SETDB2: variants seen among roughly 807,000 people sequenced by gnomAD.
The protein encoded by SETDB2 is SET domain bifurcated histone lysine methyltransferase 2, also known as histone-lysine N-methyltransferase SETDB2.
SETDB2 carries 56 observed loss-of-function variants against 82.5 expected under a neutral mutation model. The observed-to-expected ratio is 0.68, with a 90% confidence interval of 0.55 to 0.85. The LOEUF is 0.85. SETDB2 is among the 40% of genes least tolerant of loss of function. The pLI is 0.00. For synonymous variants in SETDB2, 272 were observed against 284.9 expected, an observed-to-expected ratio of 0.95 and a Z score of 0.46; for missense variants, 677 against 816.4, an observed-to-expected ratio of 0.83 and a Z score of 2.08.
chr13:49,481,454 G>C (rs1289128614), intron 8 of SETDB2, among the ~76,000 whole-genome samples: 1 of 152,002 alleles, frequency 6.6e-6, no homozygotes, highest in East Asian at 1.9e-4. Flanking sequence ...AAAACTAAAT[G>C]ACTGGCTTGC....
In SETDB2 at chr13:49,480,932, A is replaced by G. The variant is rs552481058; in HGVS notation, c.987-15A>G. On this transcript the variant is annotated splice_polypyrimidine_tract_variant and intron_variant, in intron 7 of 13. Coordinates refer to ENST00000611815, the MANE Select transcript of SETDB2 (RefSeq NM_001160308.3). ...TGAGATGTCTGATTTTCTCTTTTGC[A>G]TATTTTGTTGACAGCATTTATGAAT... 6 of 1,613,344 alleles carry G rather than the reference A, an allele frequency of 3.7e-6. No individual in the cohort carries two copies. The highest frequency in any genetic ancestry group is 2.2e-5 in the South Asian group (2 of 91,042).
At chr13:49,477,088 C>A in intron 6 of SETDB2, 49 bp downstream of exon 6, 1 of 1,459,886 alleles carries the variant, frequency 6.8e-7, no homozygotes, top group South Asian at 1.3e-5. Context: ...AATGTAAGGA[C>A]GCTTGTTAAG....
In SETDB2 at chr13:49,488,693, A is replaced by T. The variant is rs1341148726; in HGVS notation, c.1917+63A>T. 6.8e-6 allele frequency: 9 copies of T among 1,317,082 alleles called. No homozygotes were observed. In the Admixed American group the frequency reaches 7.1e-5, roughly 10 times the overall value. The allele number at this position is 1,317,082 out of a possible 1,614,324, so 81.6% of individuals were successfully genotyped here. On this transcript the variant is annotated intron_variant, in intron 12 of 13. Coordinates refer to ENST00000611815, the MANE Select transcript of SETDB2 (RefSeq NM_001160308.3). ...TGTTTTTTTCTATGCTACTTAACAA[A>T]ATTATGAGGAAAATAAACAGACTCT...
intron 2 of SETDB2, among the ~76,000 whole-genome samples, chr13:49,453,743 T>A (rs963455928): frequency 6.6e-6 from 1 of 152,184 alleles, no homozygotes; most frequent in African/African-American, 2.4e-5. Flanking sequence ...AGTGAGCCAT[T>A]TCTTGAATAA....
rs770547939 is a variant in SETDB2, at chr13:49,480,250, A to G, written c.901A>G (p.Arg301Gly). 2 of 1,611,602 alleles carry G rather than the reference A, an allele frequency of 1.2e-6. No individual in the cohort carries two copies. The highest frequency in any genetic ancestry group is 1.1e-5 in the South Asian group (1 of 90,598). Residue 301 changes from arginine (R) to glycine (G), a missense_variant, in exon 7 of 14, where the codon AGG becomes GGG. This residue lies in a region of SETDB2 where 420 missense variants were observed against 554.6 expected (regional missense o/e 0.76). Coordinates refer to ENST00000611815, the MANE Select transcript of SETDB2 (RefSeq NM_001160308.3). ...ATGTGCATGTCTTCAACTGACAGCAAGGAATGCCAAAACTTCCCCCTTGTC... is the reference window on the plus strand; with the variant it reads ...ATGTGCATGTCTTCAACTGACAGCAGGGAATGCCAAAACTTCCCCCTTGTC... Reference protein sequence around the residue: ...TKCACLQLTARNAKTSPLSSD... With the variant: ...TKCACLQLTAGNAKTSPLSSD...
At chr13:49,483,424 A>T (rs1185500354) in intron 9 of SETDB2, 40 bp from the exon 10 acceptor site, 2 of 780,982 alleles carry the variant, frequency 2.6e-6, no homozygotes, top group Non-Finnish European at 4.0e-6. Context: ...GAATGAAGAG[A>T]ATTTTTAGTG....
chr13:49,468,531 T>C (rs1327086488), intron 5 of SETDB2, among the ~76,000 whole-genome samples: 1 of 151,646 alleles, frequency 6.6e-6, no homozygotes, highest in Admixed American at 6.6e-5. Flanking sequence ...CAAGTACTAA[T>C]TACAGGGAAG....
intron 4 of SETDB2, among the ~76,000 whole-genome samples, chr13:49,465,046 C>G (rs1009250959): frequency 1.3e-5 from 2 of 151,192 alleles, no homozygotes; most frequent in African/African-American, 4.9e-5. Context: ...AACCTTCCAG[C>G]CTAGGCAAGA....
intron 2 of SETDB2, among the ~76,000 whole-genome samples, chr13:49,453,252 A>C (rs1456206158): frequency 6.6e-6 from 1 of 151,084 alleles, no homozygotes. Context: ...TTGTTTTTCA[A>C]ATTGTCCCGG....
chr13:49,482,176 A>G lies in SETDB2; in HGVS notation c.1157-561A>G. 3.0e-6 allele frequency: 3 copies of G among 985,436 alleles called. No individual in the cohort carries two copies. The South Asian group carries it at 1.4e-4, about 46-fold the overall frequency. The allele number at this position is 985,436 out of a possible 1,614,324, so 61.0% of individuals were successfully genotyped here. ...TGTTGCTGGAAAATGTAACTAAGAT[A>G]TGTCTCCGATCTAACAATGGGTAAG... On this transcript the variant is annotated intron_variant, in intron 8 of 13. Coordinates refer to ENST00000611815, the MANE Select transcript of SETDB2 (RefSeq NM_001160308.3).
intron 4 of SETDB2, among the ~76,000 whole-genome samples, chr13:49,467,082 G>C (rs533333480): frequency 1.2e-3 from 183 of 152,128 alleles, no homozygotes; most frequent in African/African-American, 4.2e-3. Flanking sequence ...GGGAAAGTAA[G>C]TTATAATTTT....
chr13:49,479,016 A>G (rs1466754478), intron 6 of SETDB2, among the ~76,000 whole-genome samples: 1 of 152,218 alleles, frequency 6.6e-6, no homozygotes, highest in East Asian at 1.9e-4. Flanking sequence ...TGTATATAGC[A>G]TGGATGGGTC....
intron 6 of SETDB2, 47 bp from the exon 7 acceptor site, chr13:49,480,168 ACTTG>A: frequency 8.4e-7 from 1 of 1,187,232 alleles, no homozygotes. Context: ...CAGTCTCTTG[ACTTG>A]ACTTGCTGCT....
intron 5 of SETDB2, among the ~76,000 whole-genome samples, chr13:49,473,354 A>G (rs1166990810): frequency 6.6e-6 from 1 of 152,040 alleles, no homozygotes; most frequent in Non-Finnish European, 1.5e-5. Context: ...GTTTGAGGCT[A>G]GCCTGGGCAA....
intron 1 of SETDB2, chr13:49,445,897 C>T (rs1957668870): frequency 6.9e-6 from 1 of 145,806 alleles, no homozygotes; most frequent in South Asian, 2.0e-4. Context: ...CGCCACTGCA[C>T]CCTTCTCACT....
At position 49,444,593 on chromosome 13, in the gene SETDB2, C is replaced by T; in HGVS notation, c.-606C>T. 1 of 157,732 alleles carries T rather than the reference C, an allele frequency of 6.3e-6. No individual in the cohort carries two copies. The highest frequency in any genetic ancestry group is 1.7e-4 in the South Asian group (1 of 5,996). 9.8% of individuals were successfully genotyped at this position (157,732 alleles called of 1,614,324 possible). Reference sequence around the variant, plus strand: ...GGAGCTGAAAACGCCGCGGAGCCCTCGGCCGCCCGAGCAGGGGCTGGACCC... The same window carrying T: ...GGAGCTGAAAACGCCGCGGAGCCCTTGGCCGCCCGAGCAGGGGCTGGACCC... On this transcript the variant is annotated 5_prime_UTR_variant, in exon 1 of 14. Coordinates refer to ENST00000611815, the MANE Select transcript of SETDB2 (RefSeq NM_001160308.3).
chr13:49,475,688 G>A (rs991703356), intron 5 of SETDB2, among the ~76,000 whole-genome samples: 1 of 151,766 alleles, frequency 6.6e-6, no homozygotes, highest in Non-Finnish European at 1.5e-5. Flanking sequence ...AGGTTTCACT[G>A]TGTTGCCCAG....
chr13:49,457,399 C>CG (rs2138844260), intron 2 of SETDB2, among the ~76,000 whole-genome samples: 1 of 75,134 alleles, frequency 1.3e-5, no homozygotes, highest in South Asian at 4.0e-4. Context: ...TATTTCCTAC[C>CG]AAATAATTTA....
At chr13:49,446,515 T>C in intron 1 of SETDB2, 3 of 369,038 alleles carry the variant, frequency 8.1e-6, no homozygotes, top group South Asian at 6.0e-5. Flanking sequence ...TATAGGTGAA[T>C]ATATACATTT....
Sources: allele counts gnomAD v4.1 joint callset (sites outside exome capture counted in the v4.1 genomes callset), GRCh38; gene constraint gnomAD v4.1.1; regional missense constraint gnomAD v4.1.1; transcripts MANE v1.5; gene names NCBI Gene and HGNC (gene_info 2026-07-23, HGNC 2026-07-21).